Variants in TCF4 observed in about 807,000 individuals in gnomAD.
TCF4 encodes the protein transcription factor 4.
TCF4 carries 3 observed loss-of-function variants against 82.1 expected under a neutral mutation model. The observed-to-expected ratio is 0.04, with a 90% CI of 0.02 to 0.09. The LOEUF is 0.09. TCF4 is among the 10% of genes least tolerant of loss of function. The pLI is 1.00. For missense variants in TCF4, 518 were observed against 852.7 expected (o/e 0.61, Z 4.89); for synonymous variants, 276 against 309.6 (o/e 0.89, Z 1.14).
rs2046437127 is a variant in TCF4, at chr18:55,225,195, T to G, written c.*2840A>C. On this transcript the variant is annotated 3_prime_UTR_variant, in exon 20 of 20. Coordinates refer to ENST00000354452, the MANE Select transcript of TCF4 (RefSeq NM_001083962.2). ...CAGTGGCCGTTAGAATTTTCACTTA[T>G]TTCCAAAGGGAATTCAACAATAGAG... 1 of 152,550 alleles carries G rather than the reference T, an allele frequency of 6.6e-6. No individual in the cohort carries two copies. Among genetic ancestry groups the G allele is most frequent in the East Asian group, 1.9e-4 (1 of 5,198 alleles). 9.4% of individuals were successfully genotyped at this position (152,550 alleles called of 1,614,324 possible). A position where few individuals can be genotyped will look rare whatever the true frequency, so the allele number is the denominator to read the frequency against.
intron 5 of TCF4, among the ~76,000 whole-genome samples, chr18:55,448,619 T>A (rs187347013): frequency 6.6e-6 from 1 of 152,352 alleles, no homozygotes; most frequent in East Asian, 1.9e-4. Flanking sequence ...GGGAGGCATC[T>A]ATCTGTGGAC....
intron 6 of TCF4, among the ~76,000 whole-genome samples, chr18:55,357,314 G>A (rs2083804509): frequency 6.6e-6 from 1 of 151,986 alleles, no homozygotes; most frequent in Non-Finnish European, 1.5e-5. Flanking sequence ...AATAAAAAAT[G>A]GATTTGAAGA....
At chr18:55,280,272 C>A (rs1172948255) in intron 8 of TCF4, among the ~76,000 whole-genome samples, 1 of 152,122 alleles carries the variant, frequency 6.6e-6, no homozygotes, top group Non-Finnish European at 1.5e-5. Flanking sequence ...TCAGTGTGTG[C>A]ATAGGAAGCG....
At chr18:55,338,208 C>A (rs369808654) in intron 8 of TCF4, among the ~76,000 whole-genome samples, 2 of 152,164 alleles carry the variant, frequency 1.3e-5, no homozygotes, top group Non-Finnish European at 2.9e-5. Flanking sequence ...CCCCACCGTG[C>A]GACGACAAGC....
At chr18:55,548,826 T>A (rs1280321228) in intron 3 of TCF4, among the ~76,000 whole-genome samples, 1 of 152,132 alleles carries the variant, frequency 6.6e-6, no homozygotes, top group Non-Finnish European at 1.5e-5. Flanking sequence ...GTATAAAAGA[T>A]AAAAGATTGT....
Position 55,228,231 on chromosome 18 carries a change from C to G in TCF4, c.2010G>C (p.Gln670His). Residue 670 changes from glutamine to histidine, a missense_variant, in exon 19 of 20, where the codon CAG becomes CAC. This residue lies in a region of TCF4 where 40 missense variants were observed against 41.5 expected (regional missense o/e 0.96). Coordinates refer to ENST00000354452, the MANE Select transcript of TCF4 (RefSeq NM_001083962.2). ...TGAAAACAAACTTGCCCTTTTACAT[C>G]TGTCCCATGTGATTCGATGCGTCTC... ...GMGDASNHMGQM is the reference protein window; with the variant it reads ...GMGDASNHMGHM 1 of 1,614,154 alleles carries G rather than the reference C, an allele frequency of 6.2e-7. No individual in the cohort carries two copies. Among genetic ancestry groups the G allele is most frequent in the Non-Finnish European group, 8.5e-7 (1 of 1,180,004 alleles).
At chr18:55,416,666 T>G (rs1223178058) in intron 5 of TCF4, among the ~76,000 whole-genome samples, 1 of 152,226 alleles carries the variant, frequency 6.6e-6, no homozygotes, top group African/African-American at 2.4e-5. Flanking sequence ...ATAAATAATA[T>G]GCCTCCTTTG....
At chr18:55,504,217 C>T (rs2096729934) in intron 3 of TCF4, among the ~76,000 whole-genome samples, 1 of 152,144 alleles carries the variant, frequency 6.6e-6, no homozygotes, top group African/African-American at 2.4e-5. Flanking sequence ...AAATGCTGCT[C>T]CCATGAACTC....
chr18:55,441,971 C>A (rs10503002), intron 5 of TCF4, among the ~76,000 whole-genome samples: 1 of 152,048 alleles, frequency 6.6e-6, no homozygotes, highest in Non-Finnish European at 1.5e-5. Context: ...CAGTCCCATG[C>A]GCTAATTGGT....
intron 6 of TCF4, among the ~76,000 whole-genome samples, chr18:55,383,505 T>C (rs550345467): frequency 1.3e-5 from 2 of 152,330 alleles, no homozygotes; most frequent in South Asian, 2.1e-4. Context: ...GTCTGCATAT[T>C]GTACCAATCC....
chr18:55,464,197 G>A, intron 3 of TCF4, 60 bp from the exon 4 acceptor site: 2 of 1,411,018 alleles, frequency 1.4e-6, no homozygotes, highest in East Asian at 2.3e-5. Context: ...TTTTGTATAT[G>A]CACTTTCAAA....
At chr18:55,576,390 A>G (rs1303898691) in intron 3 of TCF4, among the ~76,000 whole-genome samples, 1 of 152,184 alleles carries the variant, frequency 6.6e-6, no homozygotes, top group East Asian at 1.9e-4. Context: ...ACTGGATTAT[A>G]ATCGGTAACA....
chr18:55,471,289 G>C (rs1166074003), intron 3 of TCF4, among the ~76,000 whole-genome samples: 2 of 152,100 alleles, frequency 1.3e-5, no homozygotes, highest in African/African-American at 4.8e-5. Context: ...CATAAGAAAT[G>C]GTGCTTCAGA....
intron 15 of TCF4, 47 bp downstream of exon 15, chr18:55,254,450 T>C (rs752846768): frequency 2.5e-6 from 4 of 1,573,662 alleles, no homozygotes; most frequent in Non-Finnish European, 3.5e-6. Flanking sequence ...TATCTGAAAT[T>C]CTAACTCTAT....
intron 8 of TCF4, among the ~76,000 whole-genome samples, chr18:55,324,685 AC>A (rs761912459): frequency 3.3e-5 from 5 of 150,600 alleles, no homozygotes; most frequent in African/African-American, 4.9e-5. Context: ...TACCACCCCC[AC>A]CCCCCATGCC....
At chr18:55,461,767 T>C (rs1266313330) in intron 4 of TCF4, among the ~76,000 whole-genome samples, 1 of 152,102 alleles carries the variant, frequency 6.6e-6, no homozygotes, top group Non-Finnish European at 1.5e-5. Context: ...AAACAACCAG[T>C]TGTAAGGCAG....
intron 5 of TCF4, among the ~76,000 whole-genome samples, chr18:55,440,968 A>C (rs954905118): frequency 1.3e-4 from 19 of 151,694 alleles, no homozygotes; most frequent in African/African-American, 4.1e-4. Context: ...TTCCCCCCTT[A>C]TTCTTCTTTA....
intron 5 of TCF4, among the ~76,000 whole-genome samples, chr18:55,447,368 A>G (rs776367140): frequency 2.0e-5 from 3 of 152,110 alleles, no homozygotes; most frequent in Admixed American, 2.0e-4. Flanking sequence ...GTATGCAACA[A>G]CACCCTGGGA....
chr18:55,608,807 G>A (rs1003729397), intron 2 of TCF4, among the ~76,000 whole-genome samples: 2 of 152,170 alleles, frequency 1.3e-5, no homozygotes, highest in African/African-American at 2.4e-5. Context: ...TGGAGTGGGC[G>A]GTAGGAGGTA....
Sources: allele counts gnomAD v4.1 joint callset (sites outside exome capture counted in the v4.1 genomes callset), GRCh38; gene constraint gnomAD v4.1.1; regional missense constraint gnomAD v4.1.1; transcripts MANE v1.5; gene names NCBI Gene and HGNC (gene_info 2026-07-23, HGNC 2026-07-21).